The following PRND variants were observed in gnomAD, a reference collection of about 807,000 sequenced individuals.
PRND encodes the protein prion-like protein doppel.
For missense variants in PRND, 227 were observed against 223.3 expected (o/e 1.02, Z -0.11); for synonymous variants, 94 against 93.2 (o/e 1.01, Z -0.05).
chr20:4,725,325 G>A lies in PRND; in HGVS notation c.*243G>A. On this transcript the variant is annotated 3_prime_UTR_variant, in exon 2 of 2. Coordinates refer to ENST00000305817, the MANE Select transcript of PRND (RefSeq NM_012409.4). Reference sequence around the variant, plus strand: ...GCAGAGCGTCTGGCACACTAGATTAGTAGTAAATGCTTGATGAGAAGAACA... The same window carrying A: ...GCAGAGCGTCTGGCACACTAGATTAATAGTAAATGCTTGATGAGAAGAACA... 1 of 539,904 alleles carries A rather than the reference G, an allele frequency of 1.9e-6. No homozygotes were observed. The highest frequency in any genetic ancestry group is 3.4e-6 in the Non-Finnish European group (1 of 295,298). The allele number at this position is 539,904 out of a possible 1,614,324, so 33.4% of individuals were successfully genotyped here.
chr20:4,722,662 C>T (rs888178990), intron 1 of PRND, among the ~76,000 whole-genome samples: 1 of 152,050 alleles, frequency 6.6e-6, no homozygotes, highest in Non-Finnish European at 1.5e-5. Context: ...AGGGAAGCTG[C>T]AGCAGGGTGG....
Position 4,725,151 on chromosome 20 carries a change from C to A in PRND, c.*69C>A. 2 of 1,551,192 alleles carry A rather than the reference C, an allele frequency of 1.3e-6. No homozygotes were observed. Among genetic ancestry groups the A allele is most frequent in the Non-Finnish European group, 1.7e-6 (2 of 1,145,820 alleles). On this transcript the variant is annotated 3_prime_UTR_variant, in exon 2 of 2. Coordinates refer to ENST00000305817, the MANE Select transcript of PRND (RefSeq NM_012409.4). ...TCCTGGCAAGTGACCCAGCTCTTCTCCCCCAAACCCACGCGTGTTCTGAAG... is the reference window on the plus strand; with the variant it reads ...TCCTGGCAAGTGACCCAGCTCTTCTACCCCAAACCCACGCGTGTTCTGAAG...
At position 4,728,264 on chromosome 20, in the gene PRND, T is replaced by C. The variant is rs1923342985; in HGVS notation, c.*3182T>C. On this transcript the variant is annotated 3_prime_UTR_variant, in exon 2 of 2. Transcript: ENST00000305817. ...ATATTTATTCATCTGCAATTTGGCT[T>C]CCCTAACTTAACATTGCATCATGAA... 6.0e-6 allele frequency: 1 copy of C among 167,056 alleles called. No homozygotes were observed. Among genetic ancestry groups the C allele is most frequent in the Admixed American group, 6.5e-5 (1 of 15,288 alleles). 10.3% of individuals were successfully genotyped at this position (167,056 alleles called of 1,614,324 possible). A position where few individuals can be genotyped will look rare whatever the true frequency, so the allele number is the denominator to read the frequency against.
intron 1 of PRND, among the ~76,000 whole-genome samples, chr20:4,722,318 A>G (rs6076722): frequency 0.29 from 44,296 of 151,748 alleles, 7,000 homozygotes; most frequent in African/African-American, 0.43. Flanking sequence ...TCTCCTTAAA[A>G]AAGGAATGAT....
intron 1 of PRND, among the ~76,000 whole-genome samples, chr20:4,722,300 T>C (rs1923125902): frequency 6.6e-6 from 1 of 152,014 alleles, no homozygotes; most frequent in Non-Finnish European, 1.5e-5. Context: ...TTAATCTTAT[T>C]TAAGATTTCT....
chr20:4,726,267 T>A lies in PRND; in HGVS notation c.*1185T>A, dbSNP rs1923265411. 6.0e-6 allele frequency: 1 copy of A among 166,518 alleles called. No homozygotes were observed. The highest frequency in any genetic ancestry group is 2.4e-5 in the African/African-American group (1 of 41,288). 10.3% of individuals were successfully genotyped at this position (166,518 alleles called of 1,614,324 possible). A position where few individuals can be genotyped will look rare whatever the true frequency, so the allele number is the denominator to read the frequency against. On this transcript the variant is annotated 3_prime_UTR_variant, in exon 2 of 2. Coordinates refer to ENST00000305817, the MANE Select transcript of PRND (RefSeq NM_012409.4). Reference sequence around the variant, plus strand: ...TAATGTTCCCCTAACCCTACATGCATGTTTTATGTGCACTCATATGAGTAT... The same window carrying A: ...TAATGTTCCCCTAACCCTACATGCAAGTTTTATGTGCACTCATATGAGTAT...
At chr20:4,723,144 C>T (rs936262254) in intron 1 of PRND, among the ~76,000 whole-genome samples, 1 of 152,184 alleles carries the variant, frequency 6.6e-6, no homozygotes, top group African/African-American at 2.4e-5. Context: ...ACTGTCTTCT[C>T]CTGAAACCCA....
chr20:4,725,959 C>T lies in PRND; in HGVS notation c.*877C>T, dbSNP rs527790816. 7 of 162,072 alleles carry T rather than the reference C, an allele frequency of 4.3e-5. No homozygotes were observed. The highest frequency in any genetic ancestry group is 1.7e-4 in the African/African-American group (7 of 40,782). 10.0% of individuals were successfully genotyped at this position (162,072 alleles called of 1,614,324 possible). A position where few individuals can be genotyped will look rare whatever the true frequency, so the allele number is the denominator to read the frequency against. ...CACTGCAGCCTCTGCCTCCCAGGCT[C>T]AAGCACTTTTCCTGTCTCAGCCTTC... On this transcript the variant is annotated 3_prime_UTR_variant, in exon 2 of 2. Transcript: ENST00000305817.
chr20:4,722,883 T>C (rs1290272596), intron 1 of PRND, among the ~76,000 whole-genome samples: 1 of 151,948 alleles, frequency 6.6e-6, no homozygotes, highest in Admixed American at 6.6e-5. Flanking sequence ...TTGATGGCTA[T>C]TGTAGATTCA....
In PRND at chr20:4,724,090, A is replaced by T. The variant is rs559522594; in HGVS notation, c.-11-451A>T. On this transcript the variant is annotated intron_variant, in intron 1 of 1. Transcript: ENST00000305817. The surrounding 1 kb of genome is among the most constrained non-coding windows in gnomAD (Gnocchi z 4.8). ...CGTGTATATATACATATATATGTGT[A>T]TATATATACGTGTATACACACACAC... Among the ~76,000 whole-genome samples, 1 of 149,808 alleles carries T rather than the reference A, an allele frequency of 6.7e-6. No individual in the cohort carries two copies. Among genetic ancestry groups the T allele is most frequent in the South Asian group, 2.1e-4 (1 of 4,734 alleles).
Position 4,724,481 on chromosome 20 carries a change from G to GGGGCAGGGGAGCCC in PRND, c.-11-59_-11-46dup. On this transcript the variant is annotated intron_variant, in intron 1 of 1. Transcript: ENST00000305817. This position sits in a 1 kb window ranked among gnomAD's most constrained non-coding sequence, Gnocchi z 4.8. ...CCTTAAAATCTCCTGCACTTGGGAG[G>GGGGCAGGGGAGCCC]GGGCAGGGGAGCCCAGGCAGGCCTG... is the stretch of plus-strand genomic sequence containing the variant. 1.3e-6 allele frequency: 2 copies of GGGGCAGGGGAGCCC among 1,590,274 alleles called. No individual in the cohort carries two copies. The highest frequency in any genetic ancestry group is 1.7e-6 in the Non-Finnish European group (2 of 1,160,144).
rs962602220 is a variant in PRND, at chr20:4,727,019, T to C, written c.*1937T>C. On this transcript the variant is annotated 3_prime_UTR_variant, in exon 2 of 2. Transcript: ENST00000305817. ...GAGAGCAAGAAAAAAGTACAGAACA[T>C]ATCCTCTACGGTTATTTCCTGCTTT... 2.1e-4 allele frequency: 35 copies of C among 167,050 alleles called. No individual in the cohort carries two copies. The highest frequency in any genetic ancestry group is 8.2e-4 in the African/African-American group (34 of 41,430). The allele number at this position is 167,050 out of a possible 1,614,324, so 10.3% of individuals were successfully genotyped here. A position where few individuals can be genotyped will look rare whatever the true frequency, so the allele number is the denominator to read the frequency against.
At chr20:4,722,344 AT>A (rs1274040573) in intron 1 of PRND, among the ~76,000 whole-genome samples, 1 of 151,952 alleles carries the variant, frequency 6.6e-6, no homozygotes, top group African/African-American at 2.4e-5. Context: ...GTATGGCCCT[AT>A]TTAGGAGACT....
chr20:4,725,061 G>A lies in PRND; in HGVS notation c.510G>A (p.Leu170=), dbSNP rs952072010. The A allele has an allele frequency of 1.2e-6, 2 of 1,613,334 alleles. No individual in the cohort carries two copies. The highest frequency in any genetic ancestry group is 2.2e-5 in the South Asian group (2 of 91,038). ...HQPVLLCLLA[L]IWLTVK is the part of the protein sequence containing the mutation. ...CAGTGCTCCTCTGCCTTCTGGCTTT[G>A]ATCTGGCTCACGGTGAAATAAGCTT... The change falls in exon 2 of 2, where the codon TTG becomes TTA. Residue 170 remains leucine (L), a synonymous_variant. Coordinates refer to ENST00000305817, the MANE Select transcript of PRND (RefSeq NM_012409.4).
In PRND at chr20:4,725,219, T is replaced by G. The variant is rs2756262; in HGVS notation, c.*137T>G. ...TGCACTCGCACTGCAAATGCCGCTC[T>G]CACGTATGCGCCCTGGTATGTGCCT... On this transcript the variant is annotated 3_prime_UTR_variant, in exon 2 of 2. Transcript: ENST00000305817. The G allele has an allele frequency of 1.8e-6, 2 of 1,084,018 alleles. No homozygotes were observed. The highest frequency in any genetic ancestry group is 4.4e-5 in the Admixed American group (2 of 45,324). The allele number at this position is 1,084,018 out of a possible 1,614,324, so 67.1% of individuals were successfully genotyped here.
Position 4,727,793 on chromosome 20 carries a change from C to CTTTTTTTTTTTTTTCT in PRND, c.*2721_*2722insTTTTCTTTTTTTTTTT. 1 of 142,618 alleles carries CTTTTTTTTTTTTTTCT rather than the reference C, an allele frequency of 7.0e-6. No individual in the cohort carries two copies. The highest frequency in any genetic ancestry group is 1.6e-5 in the Non-Finnish European group (1 of 62,610). 8.8% of individuals were successfully genotyped at this position (142,618 alleles called of 1,614,324 possible). On this transcript the variant is annotated 3_prime_UTR_variant, in exon 2 of 2. Coordinates refer to ENST00000305817, the MANE Select transcript of PRND (RefSeq NM_012409.4). ...AATGCTTTCTACTCATTTTTCTATA[C>CTTTTTTTTTTTTTTCT]TTTTTTTTTTGAGGCAGAGTCTCAT... is the stretch of plus-strand genomic sequence containing the variant.
rs1184678912 is a variant in PRND, at chr20:4,727,529, G to A, written c.*2447G>A. The A allele has an allele frequency of 1.2e-5, 2 of 167,058 alleles. No homozygotes were observed. Among genetic ancestry groups the A allele is most frequent in the Non-Finnish European group, 2.9e-5 (2 of 68,114 alleles). 10.3% of individuals were successfully genotyped at this position (167,058 alleles called of 1,614,324 possible). A position where few individuals can be genotyped will look rare whatever the true frequency, so the allele number is the denominator to read the frequency against. On this transcript the variant is annotated 3_prime_UTR_variant, in exon 2 of 2. Coordinates refer to ENST00000305817, the MANE Select transcript of PRND (RefSeq NM_012409.4). ...AGTGTGCATAATTTTGCCAACCGTT[G>A]CTTTCGTAGCCCCTGCTAAGTGTTG...
chr20:4,725,544 C>G lies in PRND; in HGVS notation c.*462C>G, dbSNP rs1408314574. 5.5e-6 allele frequency: 1 copy of G among 181,776 alleles called. No individual in the cohort carries two copies. 11.3% of individuals were successfully genotyped at this position (181,776 alleles called of 1,614,324 possible). On this transcript the variant is annotated 3_prime_UTR_variant, in exon 2 of 2. Coordinates refer to ENST00000305817, the MANE Select transcript of PRND (RefSeq NM_012409.4). ...CCCAGGTTTTCTGCTCTGTCCAATT[C>G]CAGAGCTGTCTGGTGATCACTTTAT... is the stretch of plus-strand genomic sequence containing the variant.
Position 4,727,296 on chromosome 20 carries a change from T to G in PRND, c.*2214T>G, listed in dbSNP as rs1198601902. ...ATTTCAGTGGGGCATGACGTGAATG[T>G]GTATATGGTGATTCAAATGCAAAAT... On this transcript the variant is annotated 3_prime_UTR_variant, in exon 2 of 2. Transcript: ENST00000305817. 2 of 167,096 alleles carry G rather than the reference T, an allele frequency of 1.2e-5. No homozygotes were observed. The highest frequency in any genetic ancestry group is 2.9e-5 in the Non-Finnish European group (2 of 68,130). The allele number at this position is 167,096 out of a possible 1,614,324, so 10.4% of individuals were successfully genotyped here.
Sources: gnomAD v4.1 joint callset for allele counts (sites outside exome capture counted in the v4.1 genomes callset) on GRCh38, gnomAD v4.1.1 for gene constraint, Gnocchi (gnomAD v3.1) non-coding constraint, MANE v1.5 for transcripts, NCBI Gene and HGNC (gene_info 2026-07-23, HGNC 2026-07-21) for gene names.